The following PPHLN1 variants were observed in gnomAD, a reference collection of about 807,000 sequenced individuals.
The protein encoded by PPHLN1 is periphilin-1.
A neutral mutation model predicts 51.3 loss-of-function variants in PPHLN1; 29 were observed. The ratio of observed to expected loss-of-function variants is 0.57; its 90% CI spans 0.42 to 0.77. The LOEUF (loss-of-function observed/expected upper bound fraction) is 0.77, where lower values mean the gene tolerates loss of function less well. Among genes scored for constraint, PPHLN1 ranks in the 30% least tolerant of loss-of-function variants. The pLI is 0.00. For synonymous variants in PPHLN1, 147 were observed against 147.8 expected (o/e 0.99, Z 0.04); for missense variants, 436 against 438.4 (o/e 0.99, Z 0.05).
intron 5 of PPHLN1, among the ~76,000 whole-genome samples, chr12:42,382,221 G>T (rs1318975396): frequency 6.6e-6 from 1 of 152,164 alleles, no homozygotes; most frequent in Non-Finnish European, 1.5e-5. Flanking sequence ...AACTTCCTGA[G>T]TGTGTTGTGT....
chr12:42,429,323 C>G (rs553233808), intron 9 of PPHLN1, among the ~76,000 whole-genome samples: 18 of 152,228 alleles, frequency 1.2e-4, no homozygotes, highest in Admixed American at 1.0e-3. Context: ...GAAAAAATGT[C>G]TACAGTGTTT....
chr12:42,430,651 G>A (rs761986357), intron 9 of PPHLN1, among the ~76,000 whole-genome samples: 12 of 151,758 alleles, frequency 7.9e-5, no homozygotes, highest in Admixed American at 1.3e-4. Context: ...CCACCACCAC[G>A]CCCAGCTAAA....
intron 9 of PPHLN1, among the ~76,000 whole-genome samples, chr12:42,406,776 A>C (rs983214738): frequency 1.3e-5 from 2 of 152,054 alleles, no homozygotes; most frequent in African/African-American, 4.8e-5. Context: ...ATACTTTTCA[A>C]TCTTTCCTAT....
rs770746764 is a variant in PPHLN1, at chr12:42,398,963, C to G, written c.878C>G (p.Ala293Gly). The G allele has an allele frequency of 6.2e-7, 1 of 1,613,912 alleles. No individual in the cohort carries two copies. The highest frequency in any genetic ancestry group is 8.5e-7 in the Non-Finnish European group (1 of 1,179,834). ...EDSQLTTRSKAIASKTKEIEQ... is the reference protein window; with the variant it reads ...EDSQLTTRSKGIASKTKEIEQ... ...AGTCAGCTAACCACTCGCTCTAAAGCAATAGCATCAAAAACCAAAGAGATT... is the reference window on the plus strand; with the variant it reads ...AGTCAGCTAACCACTCGCTCTAAAGGAATAGCATCAAAAACCAAAGAGATT... Residue 293 changes from alanine (A) to glycine (G), a missense_variant, in exon 9 of 10, where the codon GCA (alanine) becomes GGA (glycine). By Grantham distance (60) the Ala-to-Gly change is moderately conservative. Coordinates refer to ENST00000358314, the MANE Select transcript of PPHLN1 (RefSeq NM_201439.2).
intron 9 of PPHLN1, among the ~76,000 whole-genome samples, chr12:42,407,438 G>T (rs1271366752): frequency 6.6e-6 from 1 of 152,166 alleles, no homozygotes; most frequent in Non-Finnish European, 1.5e-5. Flanking sequence ...TAGAGCTAGT[G>T]ACCTAAGAGT....
intron 9 of PPHLN1, among the ~76,000 whole-genome samples, chr12:42,440,422 C>CT (rs1376674433): frequency 1.3e-5 from 2 of 152,176 alleles, no homozygotes; most frequent in Non-Finnish European, 2.9e-5. Context: ...TTCACATACT[C>CT]TGAGATTTTT....
At chr12:42,414,634 C>G (rs999299431) in intron 9 of PPHLN1, among the ~76,000 whole-genome samples, 2 of 152,112 alleles carry the variant, frequency 1.3e-5, no homozygotes, top group Admixed American at 6.5e-5. Context: ...ATTTTGTAAC[C>G]TGAGACTTTA....
intron 7 of PPHLN1, among the ~76,000 whole-genome samples, chr12:42,388,299 C>A (rs1158507724): frequency 6.6e-6 from 1 of 152,204 alleles, no homozygotes; most frequent in Non-Finnish European, 1.5e-5. Flanking sequence ...CACCCTATGG[C>A]AGGAGGCGAG....
At chr12:42,404,866 A>G (rs1002478047) in intron 9 of PPHLN1, among the ~76,000 whole-genome samples, 7 of 152,034 alleles carry the variant, frequency 4.6e-5, no homozygotes, top group Non-Finnish European at 1.0e-4. Context: ...TGTCTCTACT[A>G]AAAATACAAA....
At chr12:42,350,033 G>GC (rs1219471744) in intron 2 of PPHLN1, among the ~76,000 whole-genome samples, 16 of 150,182 alleles carry the variant, frequency 1.1e-4, no homozygotes, top group South Asian at 2.1e-4. Flanking sequence ...GGGCAGAGGC[G>GC]CCCCCCACCT....
intron 4 of PPHLN1, among the ~76,000 whole-genome samples, chr12:42,369,257 T>C (rs2075570691): frequency 6.6e-6 from 1 of 152,222 alleles, no homozygotes; most frequent in Non-Finnish European, 1.5e-5. Context: ...TGCATAAAGA[T>C]TCTTTTACTG....
chr12:42,385,035 G>C, intron 6 of PPHLN1, 39 bp downstream of exon 6: 1 of 1,544,908 alleles, frequency 6.5e-7, no homozygotes, highest in Non-Finnish European at 9.0e-7. Context: ...GATTGTGAAG[G>C]GGTGGGAGAC....
chr12:42,330,101 A>T (rs1293623988), intron 1 of PPHLN1, among the ~76,000 whole-genome samples: 1 of 152,248 alleles, frequency 6.6e-6, no homozygotes, highest in African/African-American at 2.4e-5. Flanking sequence ...GGATGTGCAC[A>T]TAGGCCAGAT....
chr12:42,394,405 T>A (rs2078010963), intron 8 of PPHLN1, among the ~76,000 whole-genome samples: 1 of 152,134 alleles, frequency 6.6e-6, no homozygotes, highest in Non-Finnish European at 1.5e-5. Flanking sequence ...TATTTTTATT[T>A]GAAGGAGCAT....
At chr12:42,377,019 T>C (rs1484787031) in intron 5 of PPHLN1, among the ~76,000 whole-genome samples, 3 of 152,118 alleles carry the variant, frequency 2.0e-5, no homozygotes, top group Non-Finnish European at 2.9e-5. Flanking sequence ...ACCCCCGTCC[T>C]GCAGGCCGCG....
chr12:42,342,265 A>G (rs2071625793), intron 2 of PPHLN1, among the ~76,000 whole-genome samples: 1 of 152,118 alleles, frequency 6.6e-6, no homozygotes, highest in Admixed American at 6.5e-5. Context: ...ATTCGTTCAT[A>G]TGTACATACA....
intron 3 of PPHLN1, among the ~76,000 whole-genome samples, chr12:42,352,551 AGGCACGTGCCAC>A (rs2073504014): frequency 6.6e-6 from 1 of 151,652 alleles, no homozygotes; most frequent in Non-Finnish European, 1.5e-5. Context: ...CTGGGATTAC[AGGCACGTGCCAC>A]CGTGCCTGGC....
At chr12:42,442,838 G>A (rs910314815), downstream of PPHLN1, 97 of 1,547,558 alleles carry the variant, frequency 6.3e-5, no homozygotes, top group Non-Finnish European at 8.4e-5. Context: ...AACAGAAACA[G>A]TATATAAAAG....
At chr12:42,421,012 C>T (rs1025717965) in intron 9 of PPHLN1, among the ~76,000 whole-genome samples, 2 of 151,516 alleles carry the variant, frequency 1.3e-5, no homozygotes, top group Non-Finnish European at 2.9e-5. Flanking sequence ...TTTTATTGAC[C>T]ACCTCCTTTT....
Sources: gnomAD v4.1 joint callset for allele counts (sites outside exome capture counted in the v4.1 genomes callset) on GRCh38, gnomAD v4.1.1 for gene constraint, MANE v1.5 for transcripts, NCBI Gene and HGNC (gene_info 2026-07-23, HGNC 2026-07-21) for gene names.